The following SEC61A2 variants were observed in gnomAD, a reference collection of about 807,000 sequenced individuals.
SEC61A2 encodes protein transport protein Sec61 subunit alpha isoform 2.
Under a neutral mutation model 59.9 loss-of-function variants are expected in SEC61A2, and 28 were observed. The observed-to-expected ratio is 0.47, with a 90% confidence interval of 0.35 to 0.64. SEC61A2 has a LOEUF of 0.64. Ranked by LOEUF, SEC61A2 falls within the 30% of genes least tolerant of loss-of-function variation. SEC61A2 has a pLI of 0.01. For synonymous variants in SEC61A2, 202 were observed against 214.4 expected, an observed-to-expected ratio of 0.94 and a Z score of 0.50; for missense variants, 340 against 585.9, an observed-to-expected ratio of 0.58 and a Z score of 4.33.
rs1263193723 is a variant in SEC61A2 at position 12,143,225 on chromosome 10, C to T, written c.220+30C>T. The T allele has an allele frequency of 7.0e-7, 1 of 1,424,768 alleles. No homozygotes were observed. The highest frequency in any genetic ancestry group is 1.7e-5 in the Admixed American group (1 of 59,772). The allele number at this position is 1,424,768 out of a possible 1,614,324, so 88.3% of individuals were successfully genotyped here. A position where few individuals can be genotyped will look rare whatever the true frequency, so the allele number is the denominator to read the frequency against. On this transcript the variant is annotated intron_variant, in intron 4 of 11. Coordinates refer to ENST00000298428, the MANE Select transcript of SEC61A2 (RefSeq NM_018144.4). The surrounding 1 kb of genome is among the most constrained non-coding windows in gnomAD (Gnocchi z 4.8). ...GCGTGTCTTTTCTGTCTCCACACTC[C>T]TACTCACAGCAAACAGATGGAAACA...
At position 12,160,409 on chromosome 10, in the gene SEC61A2, T is replaced by C. The variant is rs10906090; in HGVS notation, c.976-521T>C. On this transcript the variant is annotated intron_variant, in intron 9 of 11. Coordinates refer to ENST00000298428, the MANE Select transcript of SEC61A2 (RefSeq NM_018144.4). This position sits in a 1 kb window ranked among gnomAD's most constrained non-coding sequence, Gnocchi z 4.1. The stretch of plus-strand genomic sequence containing the variant: ...TAATGCTGTTCCTATTTCTGTAAGA[T>C]TTAAGTATATAGATAAAAATCCAAT... Among the ~76,000 whole-genome samples the C allele has an allele frequency of 0.42, 63,722 of 152,094 alleles. 13,381 individuals are homozygous for C. Among genetic ancestry groups the C allele is most frequent in the East Asian group, 0.53 (2,725 of 5,182 alleles).
At chr10:12,159,663 C>T (rs1047424372) in intron 9 of SEC61A2, among the ~76,000 whole-genome samples, 1 of 152,290 alleles carries the variant, frequency 6.6e-6, no homozygotes, top group Non-Finnish European at 1.5e-5. Flanking sequence ...GCATGCCAGC[C>T]TGGTTGACAG....
rs1365983004 is a variant in SEC61A2 at position 12,164,868 on chromosome 10, C to T, written c.*414C>T. 1 of 982,886 alleles carries T rather than the reference C, an allele frequency of 1.0e-6. No individual in the cohort carries two copies. Among genetic ancestry groups the T allele is most frequent in the Admixed American group, 6.1e-5 (1 of 16,358 alleles). The allele number at this position is 982,886 out of a possible 1,614,324, so 60.9% of individuals were successfully genotyped here. On this transcript the variant is annotated 3_prime_UTR_variant, in exon 12 of 12. Coordinates refer to ENST00000298428, the MANE Select transcript of SEC61A2 (RefSeq NM_018144.4). This position sits in a 1 kb window ranked among gnomAD's most constrained non-coding sequence, Gnocchi z 7.3. ...TGAGCTTATTTAATGAGTTCTGGAACATTTATATCTAATCTATATTTTAGA... is the reference window on the plus strand; with the variant it reads ...TGAGCTTATTTAATGAGTTCTGGAATATTTATATCTAATCTATATTTTAGA...
At chr10:12,139,525 C>G (rs1423050532) in intron 3 of SEC61A2, among the ~76,000 whole-genome samples, 2 of 151,910 alleles carry the variant, frequency 1.3e-5, no homozygotes, top group Non-Finnish European at 2.9e-5. Context: ...TAGCTCACAC[C>G]TATAATCCCA....
At chr10:12,159,134 C>A (rs571960466) in intron 9 of SEC61A2, among the ~76,000 whole-genome samples, 2 of 151,856 alleles carry the variant, frequency 1.3e-5, no homozygotes, top group African/African-American at 4.8e-5. Context: ...CCCGCCACCA[C>A]GCCCAGCTAA....
chr10:12,148,323 G>A (rs1309448248), intron 4 of SEC61A2, among the ~76,000 whole-genome samples: 8 of 143,558 alleles, frequency 5.6e-5, no homozygotes, highest in Admixed American at 1.5e-4. Context: ...TTGGCTCACC[G>A]CAACCTCCAC....
intron 3 of SEC61A2, among the ~76,000 whole-genome samples, chr10:12,140,085 A>C (rs1011803288): frequency 6.6e-6 from 1 of 152,196 alleles, no homozygotes; most frequent in African/African-American, 2.4e-5. Flanking sequence ...AAAGAATTGC[A>C]GAAGTAAAGA....
At position 12,149,796 on chromosome 10, in the gene SEC61A2, GTCTTT is replaced by G. The variant is rs1834233568; in HGVS notation, c.353-51_353-47del. On this transcript the variant is annotated intron_variant, in intron 5 of 11. Transcript: ENST00000298428. This position sits in a 1 kb window ranked among gnomAD's most constrained non-coding sequence, Gnocchi z 5.2. ...GCTCGTGGTAAAGATGTTTTCTCTA[GTCTTT>G]TCTTGTCTTTGGTGGTAAGCGTGCT... 2 of 1,606,158 alleles carry G rather than the reference GTCTTT, an allele frequency of 1.2e-6. No individual in the cohort carries two copies. The highest frequency in any genetic ancestry group is 3.4e-5 in the Admixed American group (2 of 58,904).
In SEC61A2 at chr10:12,149,740, C is replaced by T. The variant is rs199586931; in HGVS notation, c.352+14C>T. The T allele has an allele frequency of 1.4e-5, 23 of 1,607,834 alleles. No homozygotes were observed. The African/African-American group carries it at 2.8e-4, about 20-fold the overall frequency. On this transcript the variant is annotated intron_variant, in intron 5 of 11. Coordinates refer to ENST00000298428, the MANE Select transcript of SEC61A2 (RefSeq NM_018144.4). The surrounding 1 kb of genome is among the most constrained non-coding windows in gnomAD (Gnocchi z 5.2). ...GAGCCCAGAAACGTGAGCATTAATGCAATTAAAGAGCATTCTCCAAATTTG... is the reference window on the plus strand; with the variant it reads ...GAGCCCAGAAACGTGAGCATTAATGTAATTAAAGAGCATTCTCCAAATTTG...
At position 12,149,158 on chromosome 10, in the gene SEC61A2, C is replaced by T. The variant is rs1390865470; in HGVS notation, c.221-437C>T. On this transcript the variant is annotated intron_variant, in intron 4 of 11. Coordinates refer to ENST00000298428, the MANE Select transcript of SEC61A2 (RefSeq NM_018144.4). This position sits in a 1 kb window ranked among gnomAD's most constrained non-coding sequence, Gnocchi z 5.2. ...GGGCTGGAGTGCAGTGGCGCAATCT[C>T]GGCTTACTGCAACCTCTGCCTTCCA... Among the ~76,000 whole-genome samples the T allele has an allele frequency of 6.6e-6, 1 of 151,984 alleles. No individual in the cohort carries two copies. Among genetic ancestry groups the T allele is most frequent in the East Asian group, 1.9e-4 (1 of 5,170 alleles).
chr10:12,165,776 A>T (rs1834662471), downstream of SEC61A2: 1 of 152,236 alleles, frequency 6.6e-6, no homozygotes, highest in East Asian at 1.9e-4. Flanking sequence ...TACGTAGCTT[A>T]TGCTTACAAA....
At position 12,148,911 on chromosome 10, in the gene SEC61A2, C is replaced by T. The variant is rs181947188; in HGVS notation, c.221-684C>T. ...ATCTGAGACGACATCAAAAATCCCCCGTAAGGTGGACTATTTTCTCATATG... is the reference window on the plus strand; with the variant it reads ...ATCTGAGACGACATCAAAAATCCCCTGTAAGGTGGACTATTTTCTCATATG... On this transcript the variant is annotated intron_variant, in intron 4 of 11. Transcript: ENST00000298428. Among the ~76,000 whole-genome samples the T allele has an allele frequency of 1.7e-4, 26 of 152,258 alleles. No individual in the cohort carries two copies. In the East Asian group the frequency reaches 2.1e-3, roughly 12 times the overall value.
chr10:12,151,542 C>G (rs1350412183), intron 6 of SEC61A2, among the ~76,000 whole-genome samples: 1 of 152,038 alleles, frequency 6.6e-6, no homozygotes, highest in Non-Finnish European at 1.5e-5. Flanking sequence ...GATCTCTTGA[C>G]CTCGTGATCC....
At chr10:12,133,154 G>C (rs1474749145) in intron 1 of SEC61A2, 87 bp from the exon 2 acceptor site, 1 of 675,766 alleles carries the variant, frequency 1.5e-6, no homozygotes, top group Non-Finnish European at 2.5e-6. Flanking sequence ...GCTGGTGAAA[G>C]AGAATCTTTG....
In SEC61A2 at chr10:12,158,088, T is replaced by A; in HGVS notation, c.958T>A (p.Leu320Ile). 1 of 1,613,176 alleles carries A rather than the reference T, an allele frequency of 6.2e-7. No individual in the cohort carries two copies. The highest frequency in any genetic ancestry group is 8.5e-7 in the Non-Finnish European group (1 of 1,179,064). Residue 320 changes from leucine (L) to isoleucine (I), a missense_variant, in exon 9 of 12, where the codon TTA (leucine) becomes ATA (isoleucine). Around this residue, in one of 3 missense-constraint regions of SEC61A2, gnomAD observed 283 missense variants for 483.2 expected, o/e 0.59. Transcript: ENST00000298428. This position sits in a 1 kb window ranked among gnomAD's most constrained non-coding sequence, Gnocchi z 5.7. ...VRFSGNFLVN[L>I]LGQWADVSGG... Reference sequence around the variant, plus strand: ...ATTTAGTGGCAACTTTTTAGTAAATTTACTAGGACAGTGGGCCGTGAGTAT... The same window carrying A: ...ATTTAGTGGCAACTTTTTAGTAAATATACTAGGACAGTGGGCCGTGAGTAT...
intron 8 of SEC61A2, among the ~76,000 whole-genome samples, chr10:12,157,276 G>T (rs1834420035): frequency 6.6e-6 from 1 of 152,154 alleles, no homozygotes; most frequent in African/African-American, 2.4e-5. Flanking sequence ...TGACCCATCA[G>T]CAGGAAGCAG....
chr10:12,140,618 T>C (rs1334494674), intron 3 of SEC61A2, among the ~76,000 whole-genome samples: 1 of 152,050 alleles, frequency 6.6e-6, no homozygotes, highest in East Asian at 1.9e-4. Context: ...TATTTTGAGA[T>C]GGAGTCTCAC....
rs1403465740 is a variant in SEC61A2, at chr10:12,142,568, A to G, written c.142-549A>G. 2 of 928,300 alleles carry G rather than the reference A, an allele frequency of 2.2e-6. No homozygotes were observed. Among genetic ancestry groups the G allele is most frequent in the African/African-American group, 1.8e-5 (1 of 55,966 alleles). The allele number at this position is 928,300 out of a possible 1,614,324, so 57.5% of individuals were successfully genotyped here. On this transcript the variant is annotated intron_variant, in intron 3 of 11. Transcript: ENST00000298428. The surrounding 1 kb of genome is among the most constrained non-coding windows in gnomAD (Gnocchi z 5.4). ...AAAATCATTCTACGACCAGGCAGGT[A>G]TAATATTCCATAATCTACTGGTGGG... is the stretch of plus-strand genomic sequence containing the variant.
downstream of SEC61A2, chr10:12,169,152 T>C (rs945721385): frequency 1.6e-6 from 1 of 642,654 alleles, no homozygotes; most frequent in African/African-American, 1.9e-5. This position sits in a 1 kb window ranked among gnomAD's most constrained non-coding sequence, Gnocchi z 4.8. Context: ...ATTTTGATTC[T>C]GCTAAAGCTA....
Sources: allele counts gnomAD v4.1 joint callset (sites outside exome capture counted in the v4.1 genomes callset), GRCh38; gene constraint gnomAD v4.1.1; regional missense constraint gnomAD v4.1.1; non-coding constraint Gnocchi (gnomAD v3.1); transcripts MANE v1.5; gene names NCBI Gene and HGNC (gene_info 2026-07-23, HGNC 2026-07-21).